PTPRG: variants seen among roughly 807,000 people sequenced by gnomAD.
The protein encoded by PTPRG is receptor-type tyrosine-protein phosphatase gamma.
PTPRG carries 102 observed loss-of-function variants against 165.3 expected under a neutral mutation model. The ratio of observed to expected loss-of-function variants is 0.62; its 90% CI spans 0.53 to 0.73. PTPRG has a LOEUF of 0.73. Ranked by LOEUF, PTPRG falls within the 30% of genes least tolerant of loss-of-function variation. The pLI, the probability that PTPRG is intolerant of heterozygous loss-of-function variation, is 0.00. For missense variants in PTPRG, 1,866 were observed against 1,861.4 expected (o/e 1.00, Z -0.05); for synonymous variants, 675 against 669.5 (o/e 1.01, Z -0.13).
chr3:62,132,499 T>G, intron 5 of PTPRG, 103 bp from the exon 6 acceptor site: 1 of 909,820 alleles, frequency 1.1e-6, no homozygotes, highest in Non-Finnish European at 1.8e-6. Context: ...AGCAGCTTGC[T>G]AGATAACATT....
At chr3:61,725,177 C>CT (rs1213779194) in intron 1 of PTPRG, among the ~76,000 whole-genome samples, 3 of 151,756 alleles carry the variant, frequency 2.0e-5, no homozygotes, top group Non-Finnish European at 4.4e-5. Context: ...TTGAGATACG[C>CT]TTTTTTTTGG....
At chr3:61,938,149 T>C (rs191008163) in intron 2 of PTPRG, among the ~76,000 whole-genome samples, 5 of 152,152 alleles carry the variant, frequency 3.3e-5, no homozygotes, top group Admixed American at 1.3e-4. Context: ...TTCTCTGTGG[T>C]TAACTAAATC....
intron 2 of PTPRG, among the ~76,000 whole-genome samples, chr3:61,818,254 T>A (rs2035846975): frequency 6.6e-6 from 1 of 152,142 alleles, no homozygotes; most frequent in South Asian, 2.1e-4. Context: ...ATACCTGATA[T>A]TTTAAAATAA....
At chr3:62,101,317 A>G (rs1459792804) in intron 5 of PTPRG, among the ~76,000 whole-genome samples, 1 of 152,246 alleles carries the variant, frequency 6.6e-6, no homozygotes, top group Non-Finnish European at 1.5e-5. Flanking sequence ...GAAAACTTTA[A>G]CATAGAACTT....
At chr3:61,961,197 G>A (rs1048172164) in intron 2 of PTPRG, among the ~76,000 whole-genome samples, 1 of 152,200 alleles carries the variant, frequency 6.6e-6, no homozygotes, top group African/African-American at 2.4e-5. Flanking sequence ...GAAGGGGAAA[G>A]GGTGTGACTA....
intron 2 of PTPRG, chr3:61,771,109 C>T (rs550591729): frequency 2.0e-5 from 3 of 152,092 alleles, no homozygotes; most frequent in Non-Finnish European, 4.4e-5. Flanking sequence ...GAGTTGAGCT[C>T]AATGAAAAGA....
intron 1 of PTPRG, among the ~76,000 whole-genome samples, chr3:61,607,646 T>C (rs1485188781): frequency 6.6e-6 from 1 of 152,226 alleles, no homozygotes; most frequent in African/African-American, 2.4e-5. Flanking sequence ...GACTCTTCTC[T>C]CCTGCTTCTC....
At chr3:61,575,073 A>G (rs1419737109) in intron 1 of PTPRG, among the ~76,000 whole-genome samples, 1 of 152,220 alleles carries the variant, frequency 6.6e-6, no homozygotes, top group African/African-American at 2.4e-5. Context: ...GACCGAAACC[A>G]TAGCAGCGCA....
chr3:62,114,080 C>T (rs904997808), intron 5 of PTPRG, among the ~76,000 whole-genome samples: 2 of 152,194 alleles, frequency 1.3e-5, no homozygotes, highest in Admixed American at 6.5e-5. Flanking sequence ...GGGCAGATCA[C>T]CTGAGGTCAG....
chr3:61,842,630 G>C (rs1224762885), intron 2 of PTPRG, among the ~76,000 whole-genome samples: 1 of 146,406 alleles, frequency 6.8e-6, no homozygotes, highest in African/African-American at 2.6e-5. Flanking sequence ...CTTTTTTCTG[G>C]ATGACACAGA....
rs542068086 is a variant in PTPRG at position 62,237,298 on chromosome 3, G to C, written c.2375+5987G>C. 6.6e-6 allele frequency among the ~76,000 whole-genome samples: 1 copy of C among 152,040 alleles called. No homozygotes were observed. Among genetic ancestry groups the C allele is most frequent in the South Asian group, 2.1e-4 (1 of 4,802 alleles). ...GGGTCAGAAGTCTAGAGGTTTTTTT[G>C]TTTGTTTGTTTTGGTTATTTTGCTA... is the stretch of plus-strand genomic sequence containing the variant. On this transcript the variant is annotated intron_variant, in intron 14 of 29. Transcript: ENST00000474889. The surrounding 1 kb of genome is among the most constrained non-coding windows in gnomAD (Gnocchi z 4.5).
chr3:62,184,740 A>G (rs1297905838), intron 8 of PTPRG, among the ~76,000 whole-genome samples: 1 of 151,854 alleles, frequency 6.6e-6, no homozygotes, highest in Non-Finnish European at 1.5e-5. Flanking sequence ...ATGTTGCAAC[A>G]CCTCCCACCC....
At chr3:61,868,847 T>TTAATTC (rs2037481732) in intron 2 of PTPRG, among the ~76,000 whole-genome samples, 1 of 152,172 alleles carries the variant, frequency 6.6e-6, no homozygotes, top group African/African-American at 2.4e-5. Flanking sequence ...GGTCTCATGT[T>TTAATTC]TAATTCAATG....
intron 2 of PTPRG, among the ~76,000 whole-genome samples, chr3:61,949,026 CA>C (rs1352271811): frequency 7.8e-6 from 1 of 127,652 alleles, no homozygotes; most frequent in East Asian, 2.5e-4. Flanking sequence ...AGGCACTTAA[CA>C]AAAAAGACAA....
At chr3:62,111,962 C>T (rs9877625) in intron 5 of PTPRG, among the ~76,000 whole-genome samples, 18,389 of 152,076 alleles carry the variant, frequency 0.12, 1,189 homozygotes, top group African/African-American at 0.15. Context: ...TTCTTAAGGA[C>T]TTGAATGATT....
At chr3:61,996,941 A>G (rs2041053294) in intron 3 of PTPRG, among the ~76,000 whole-genome samples, 2 of 152,146 alleles carry the variant, frequency 1.3e-5, no homozygotes, top group Non-Finnish European at 2.9e-5. Context: ...TTCTGTGTAG[A>G]CAGAAGCCTC....
chr3:61,736,341 A>G (rs2032723089), intron 1 of PTPRG, among the ~76,000 whole-genome samples: 1 of 151,652 alleles, frequency 6.6e-6, no homozygotes, highest in Non-Finnish European at 1.5e-5. Context: ...TCAAGGGTGT[A>G]ATTTTATGTA....
chr3:61,952,092 T>G (rs1208904983), intron 2 of PTPRG, among the ~76,000 whole-genome samples: 1 of 126,172 alleles, frequency 7.9e-6, no homozygotes, highest in Non-Finnish European at 1.6e-5. Flanking sequence ...CACTGCAGCC[T>G]GGCGACAGAT....
intron 5 of PTPRG, among the ~76,000 whole-genome samples, chr3:62,114,317 A>G (rs888282164): frequency 6.8e-6 from 1 of 146,124 alleles, no homozygotes; most frequent in Admixed American, 6.8e-5. Flanking sequence ...ACAAACAAAC[A>G]AAAAAAAAAC....
Sources: gnomAD v4.1 joint callset for allele counts (sites outside exome capture counted in the v4.1 genomes callset) on GRCh38, gnomAD v4.1.1 for gene constraint, Gnocchi (gnomAD v3.1) non-coding constraint, MANE v1.5 for transcripts, NCBI Gene and HGNC (gene_info 2026-07-23, HGNC 2026-07-21) for gene names.